Variants in CDK6 observed in about 807,000 individuals in gnomAD.
CDK6 encodes the protein cyclin dependent kinase 6.
In CDK6, 6 loss-of-function variants were observed where a neutral mutation model predicts 37.1. The observed-to-expected ratio is 0.16, with a 90% CI of 0.09 to 0.32. CDK6 has a LOEUF of 0.32. CDK6 is among the 10% of genes least tolerant of loss of function. The pLI is 1.00. For synonymous variants in CDK6, 160 were observed against 161.3 expected (o/e 0.99, Z 0.06); for missense variants, 224 against 418.9 (o/e 0.53, Z 4.06).
chr7:92,658,825 A>G (rs140559503), intron 5 of CDK6, among the ~76,000 whole-genome samples: 228 of 152,296 alleles, frequency 1.5e-3, no homozygotes, highest in African/African-American at 5.2e-3. Flanking sequence ...TCGTACAGCA[A>G]TTTTTGTTTC....
chr7:92,787,160 C>G (rs1365877223), intron 2 of CDK6, among the ~76,000 whole-genome samples: 1 of 115,000 alleles, frequency 8.7e-6, no homozygotes, highest in Non-Finnish European at 1.6e-5. Context: ...CCAACCTGGG[C>G]AACAGAGTAA....
At chr7:92,655,644 AT>A (rs763578265) in intron 5 of CDK6, among the ~76,000 whole-genome samples, 1 of 152,240 alleles carries the variant, frequency 6.6e-6, no homozygotes, top group Non-Finnish European at 1.5e-5. Flanking sequence ...CTTTCAAAGT[AT>A]TGGATCTCCT....
chr7:92,659,626 A>G (rs1373304316), intron 5 of CDK6, among the ~76,000 whole-genome samples: 1 of 149,850 alleles, frequency 6.7e-6, no homozygotes, highest in East Asian at 2.1e-4. Context: ...ACACACACAC[A>G]CACACACACC....
chr7:92,801,105 T>G (rs1323486309), intron 2 of CDK6, among the ~76,000 whole-genome samples: 1 of 152,084 alleles, frequency 6.6e-6, no homozygotes, highest in African/African-American at 2.4e-5. Context: ...ATGAATTGTG[T>G]GAGAAAAGTC....
chr7:92,682,840 G>T (rs1797367448), intron 4 of CDK6, among the ~76,000 whole-genome samples: 1 of 152,170 alleles, frequency 6.6e-6, no homozygotes, highest in Non-Finnish European at 1.5e-5. Flanking sequence ...TTAATAAAGT[G>T]CAAGGACCAT....
intron 4 of CDK6, among the ~76,000 whole-genome samples, chr7:92,672,651 G>C (rs1397675152): frequency 6.6e-6 from 1 of 152,022 alleles, no homozygotes; most frequent in Non-Finnish European, 1.5e-5. Flanking sequence ...ATAGTCTATG[G>C]ATACCCTGGG....
At chr7:92,802,551 A>AT (rs1056955345) in intron 2 of CDK6, among the ~76,000 whole-genome samples, 23 of 152,244 alleles carry the variant, frequency 1.5e-4, no homozygotes, top group African/African-American at 5.3e-4. Flanking sequence ...GGCCAAAGAC[A>AT]TAAAGTGCTC....
At chr7:92,786,057 G>A (rs377688266) in intron 2 of CDK6, among the ~76,000 whole-genome samples, 1 of 152,298 alleles carries the variant, frequency 6.6e-6, no homozygotes, top group South Asian at 2.1e-4. Flanking sequence ...AAAGCAAAGC[G>A]AACAGCTCTG....
intron 3 of CDK6, among the ~76,000 whole-genome samples, chr7:92,769,653 A>T (rs1268215782): frequency 6.6e-6 from 1 of 152,242 alleles, no homozygotes; most frequent in Non-Finnish European, 1.5e-5. Flanking sequence ...ATGATTTAGT[A>T]AAAGAGGGCA....
At chr7:92,681,029 C>G (rs965014054) in intron 4 of CDK6, among the ~76,000 whole-genome samples, 1 of 152,132 alleles carries the variant, frequency 6.6e-6, no homozygotes, top group Non-Finnish European at 1.5e-5. Flanking sequence ...TAGCTAGATA[C>G]ATCAATAACC....
chr7:92,743,004 T>G (rs1157835698), intron 3 of CDK6, among the ~76,000 whole-genome samples: 4 of 151,650 alleles, frequency 2.6e-5, no homozygotes, highest in Non-Finnish European at 4.4e-5. Flanking sequence ...AGTGCTCAGA[T>G]AGAAGAGAGG....
intron 5 of CDK6, among the ~76,000 whole-genome samples, chr7:92,648,703 A>C (rs1377642847): frequency 6.6e-6 from 1 of 152,228 alleles, no homozygotes; most frequent in Non-Finnish European, 1.5e-5. Context: ...GTGTTTGCCA[A>C]GTGACCATCT....
At chr7:92,752,104 A>G (rs969733892) in intron 3 of CDK6, among the ~76,000 whole-genome samples, 1 of 152,230 alleles carries the variant, frequency 6.6e-6, no homozygotes, top group Non-Finnish European at 1.5e-5. Context: ...CAAATCATTA[A>G]GTAGCTATTT....
At chr7:92,665,145 T>C (rs1420416123) in intron 5 of CDK6, among the ~76,000 whole-genome samples, 2 of 152,194 alleles carry the variant, frequency 1.3e-5, no homozygotes, top group Non-Finnish European at 2.9e-5. Context: ...GAAAACCCCA[T>C]AACTTTCAAA....
chr7:92,619,742 C>A (rs751784179), intron 6 of CDK6, among the ~76,000 whole-genome samples: 1 of 151,718 alleles, frequency 6.6e-6, no homozygotes, highest in Non-Finnish European at 1.5e-5. Flanking sequence ...CACTGTAATT[C>A]GGCCTCTATC....
intron 3 of CDK6, among the ~76,000 whole-genome samples, chr7:92,747,910 A>G (rs1213661413): frequency 6.6e-6 from 1 of 152,224 alleles, no homozygotes; most frequent in Non-Finnish European, 1.5e-5. Flanking sequence ...GCAGGCCAAT[A>G]AAAGGTGATG....
chr7:92,712,773 A>G (rs1376205621), intron 4 of CDK6, among the ~76,000 whole-genome samples: 1 of 152,204 alleles, frequency 6.6e-6, no homozygotes, highest in African/African-American at 2.4e-5. Context: ...AATAAAAGGC[A>G]TGACAGTGGA....
At chr7:92,820,477 A>C (rs1182813443) in intron 2 of CDK6, among the ~76,000 whole-genome samples, 2 of 152,290 alleles carry the variant, frequency 1.3e-5, no homozygotes, top group African/African-American at 4.8e-5. Context: ...CAGAATGCAA[A>C]TAAACAATTT....
intron 2 of CDK6, among the ~76,000 whole-genome samples, chr7:92,808,689 T>A (rs929651841): frequency 1.3e-5 from 2 of 152,196 alleles, no homozygotes; most frequent in Non-Finnish European, 1.5e-5. Context: ...AAATTCTTCA[T>A]GTGATTTCTC....
Sources: allele counts gnomAD v4.1 joint callset (sites outside exome capture counted in the v4.1 genomes callset), GRCh38; gene constraint gnomAD v4.1.1; transcripts MANE v1.5; gene names NCBI Gene and HGNC (gene_info 2026-07-23, HGNC 2026-07-21).